The following GDPD5 variants were observed in gnomAD, a reference collection of about 807,000 sequenced individuals.
The protein encoded by GDPD5 is glycerophosphodiester phosphodiesterase domain containing 5.
In GDPD5, 48 loss-of-function variants were observed where a neutral mutation model predicts 75.1. That is an observed-to-expected ratio of 0.64 (90% CI 0.51 to 0.81). GDPD5 has a LOEUF of 0.81. GDPD5 is among the 40% of genes least tolerant of loss of function. GDPD5 has a pLI of 0.00. For synonymous variants in GDPD5, 336 were observed against 339.0 expected (o/e 0.99, Z 0.10); for missense variants, 706 against 822.6 (o/e 0.86, Z 1.73).
At chr11:75,458,844 G>T (rs1480656696) in intron 4 of GDPD5, among the ~76,000 whole-genome samples, 1 of 152,132 alleles carries the variant, frequency 6.6e-6, no homozygotes, top group African/African-American at 2.4e-5. Flanking sequence ...GTGCAGGGAT[G>T]CGAACATGGC....
At chr11:75,485,502 G>A (rs1328206022) in intron 2 of GDPD5, 1 of 135,988 alleles carries the variant, frequency 7.4e-6, no homozygotes, top group African/African-American at 2.9e-5. Flanking sequence ...TTGAAAAAGT[G>A]TATTAAATAC....
chr11:75,436,991 C>T lies in GDPD5; in HGVS notation c.1614G>A (p.Ala538=), dbSNP rs759731505. The T allele has an allele frequency of 3.7e-5, 60 of 1,613,388 alleles. No homozygotes were observed. The highest frequency in any genetic ancestry group is 2.3e-4 in the Admixed American group (14 of 60,004). The part of the protein sequence containing the change: ...YNPEQIMLSA[A]VRRTSRDVSI... ...TGACGTCCCGGCTGGTCCGGCGCAC[C>T]GCAGCACTCAGCATGATCTGCTCAG... Residue 538 remains alanine (A), a synonymous_variant, in exon 16 of 17, where the codon GCG becomes GCA. Coordinates refer to ENST00000336898, the MANE Select transcript of GDPD5 (RefSeq NM_030792.8).
intron 1 of GDPD5, among the ~76,000 whole-genome samples, chr11:75,506,174 C>T (rs1592149818): frequency 6.6e-6 from 1 of 152,288 alleles, no homozygotes. Flanking sequence ...TGCCATCATC[C>T]GTTCTCTCCT....
intron 9 of GDPD5, among the ~76,000 whole-genome samples, chr11:75,446,228 G>A (rs1298319927): frequency 1.3e-5 from 2 of 152,246 alleles, no homozygotes; most frequent in South Asian, 2.1e-4. Context: ...TGTTTGGGAA[G>A]GGGAAAGTCT....
intron 4 of GDPD5, among the ~76,000 whole-genome samples, chr11:75,461,916 C>T (rs1474261623): frequency 6.6e-6 from 1 of 152,192 alleles, no homozygotes; most frequent in Non-Finnish European, 1.5e-5. Flanking sequence ...CCCATGACCT[C>T]TCCACTGCTT....
intron 2 of GDPD5, among the ~76,000 whole-genome samples, chr11:75,483,610 C>T (rs1036622605): frequency 6.6e-6 from 1 of 152,182 alleles, no homozygotes; most frequent in Non-Finnish European, 1.5e-5. Flanking sequence ...ACTACCTCTT[C>T]CCTGAGCCTT....
At position 75,457,666 on chromosome 11, in the gene GDPD5, C is replaced by T. The variant is rs769887230; in HGVS notation, c.315+27G>A. 31 of 1,601,666 alleles carry T rather than the reference C, an allele frequency of 1.9e-5. No homozygotes were observed. The South Asian group carries it at 2.6e-4, about 14-fold the overall frequency. On this transcript the variant is annotated intron_variant, in intron 5 of 16. Coordinates refer to ENST00000336898, the MANE Select transcript of GDPD5 (RefSeq NM_030792.8). ...ATCCCTTCCCCTGGGAGCAGGGCCA[C>T]CTGCCCTCCAAAACAGCCCCATGTA...
chr11:75,504,761 T>C (rs897793024), intron 1 of GDPD5, among the ~76,000 whole-genome samples: 1 of 152,122 alleles, frequency 6.6e-6, no homozygotes, highest in African/African-American at 2.4e-5. Flanking sequence ...ATAGTTAACA[T>C]ACGGAACTGT....
intron 3 of GDPD5, 152 bp downstream of exon 3, chr11:75,477,467 A>G (rs1949802992): frequency 2.2e-6 from 1 of 458,116 alleles, no homozygotes; most frequent in Non-Finnish European, 4.0e-6. Context: ...AATTACTATA[A>G]GCCCATTTTA....
At chr11:75,457,219 C>T (rs913445963) in intron 5 of GDPD5, among the ~76,000 whole-genome samples, 2 of 152,218 alleles carry the variant, frequency 1.3e-5, no homozygotes, top group Admixed American at 6.5e-5. Context: ...AGTGGAATAT[C>T]GGGAGCAAGA....
intron 1 of GDPD5, among the ~76,000 whole-genome samples, chr11:75,496,300 C>T (rs1950207243): frequency 6.6e-6 from 1 of 152,246 alleles, no homozygotes; most frequent in African/African-American, 2.4e-5. Context: ...GGCAAATCTC[C>T]ACATTCCTTG....
rs955679571 is a variant in GDPD5 at position 75,456,747 on chromosome 11, C to T, written c.375+10G>A. 6 of 1,613,946 alleles carry T rather than the reference C, an allele frequency of 3.7e-6. No homozygotes were observed. The highest frequency in any genetic ancestry group is 1.3e-5 in the African/African-American group (1 of 74,948). On this transcript the variant is annotated intron_variant, in intron 6 of 16. Coordinates refer to ENST00000336898, the MANE Select transcript of GDPD5 (RefSeq NM_030792.8). ...TGCTCTCTCCCAGCCCCGGCCGAGG[C>T]GGCCCTTACCTTGTGCAGCCAGTGC...
chr11:75,495,662 T>C (rs1027583138), intron 1 of GDPD5, among the ~76,000 whole-genome samples: 4 of 152,198 alleles, frequency 2.6e-5, no homozygotes, highest in Non-Finnish European at 5.9e-5. Context: ...GAAGGTATAT[T>C]TGTCAAGGAG....
intron 9 of GDPD5, among the ~76,000 whole-genome samples, chr11:75,447,867 C>T (rs902626667): frequency 6.6e-6 from 1 of 152,176 alleles, no homozygotes; most frequent in African/African-American, 2.4e-5. Flanking sequence ...GGTGACCCCT[C>T]CAAGATGCAC....
chr11:75,482,062 C>T (rs11236439), intron 2 of GDPD5, among the ~76,000 whole-genome samples: 3,857 of 152,216 alleles, frequency 0.025, 82 homozygotes, highest in Non-Finnish European at 0.038. Context: ...CCTTCACACT[C>T]CTTTCCCGGG....
At chr11:75,510,945 A>C (rs1285501706) in intron 1 of GDPD5, among the ~76,000 whole-genome samples, 1 of 152,238 alleles carries the variant, frequency 6.6e-6, no homozygotes, top group Non-Finnish European at 1.5e-5. Context: ...AGAGCAATTA[A>C]CAGATCACTT....
At chr11:75,473,640 G>C (rs1203420958) in intron 3 of GDPD5, among the ~76,000 whole-genome samples, 1 of 152,110 alleles carries the variant, frequency 6.6e-6, no homozygotes, top group Non-Finnish European at 1.5e-5. Flanking sequence ...CCGCTGCCCA[G>C]GATGAAGCCT....
At chr11:75,438,543 A>G (rs1294440732) in intron 15 of GDPD5, 1 of 152,316 alleles carries the variant, frequency 6.6e-6, no homozygotes, top group Non-Finnish European at 1.5e-5. Flanking sequence ...GGGCGGACAC[A>G]GGAATGACTC....
At chr11:75,510,968 G>A (rs919273769) in intron 1 of GDPD5, among the ~76,000 whole-genome samples, 2 of 152,188 alleles carry the variant, frequency 1.3e-5, no homozygotes, top group African/African-American at 2.4e-5. Context: ...TCCTTTTAAG[G>A]CATGTATTTA....
Sources: allele counts gnomAD v4.1 joint callset (sites outside exome capture counted in the v4.1 genomes callset), GRCh38; gene constraint gnomAD v4.1.1; transcripts MANE v1.5; gene names NCBI Gene and HGNC (gene_info 2026-07-23, HGNC 2026-07-21).